Variants in GALNT17 observed in about 807,000 individuals in gnomAD.
GALNT17 encodes UDP-GalNAc:polypeptide N-acetylgalactosaminyltransferase-like 3.
A neutral mutation model predicts 63.7 loss-of-function variants in GALNT17; 29 were observed. The observed-to-expected ratio is 0.46, with a 90% confidence interval of 0.34 to 0.62. GALNT17 has a LOEUF of 0.62. Ranked by LOEUF, GALNT17 falls within the 20% of genes least tolerant of loss-of-function variation. GALNT17 has a pLI of 0.01. For synonymous variants in GALNT17, 305 were observed against 318.3 expected, an observed-to-expected ratio of 0.96 and a Z score of 0.45; for missense variants, 603 against 799.6, an observed-to-expected ratio of 0.75 and a Z score of 2.97.
intron 2 of GALNT17, among the ~76,000 whole-genome samples, chr7:71,379,928 G>A (rs1792813339): frequency 6.6e-6 from 1 of 152,098 alleles, no homozygotes. Flanking sequence ...AGGATTTGGG[G>A]AATTTAAAGG....
At chr7:71,324,214 C>G (rs945508229) in intron 1 of GALNT17, among the ~76,000 whole-genome samples, 1 of 152,102 alleles carries the variant, frequency 6.6e-6, no homozygotes, top group African/African-American at 2.4e-5. Context: ...AAGCAGTGTT[C>G]AGATTTGCAT....
chr7:71,706,986 G>T (rs599104), intron 9 of GALNT17, among the ~76,000 whole-genome samples: 4 of 152,200 alleles, frequency 2.6e-5, no homozygotes, highest in Non-Finnish European at 4.4e-5. Context: ...AGCCAACCAT[G>T]AGGTATTCGG....
chr7:71,469,731 G>A (rs1379818794), intron 5 of GALNT17, among the ~76,000 whole-genome samples: 4 of 152,172 alleles, frequency 2.6e-5, no homozygotes, highest in Non-Finnish European at 5.9e-5. Context: ...CCTTCAGGGT[G>A]AATTTAAAAT....
intron 6 of GALNT17, among the ~76,000 whole-genome samples, chr7:71,606,889 G>A (rs1435647464): frequency 6.6e-6 from 1 of 152,216 alleles, no homozygotes; most frequent in Non-Finnish European, 1.5e-5. Context: ...TATGAATGCA[G>A]TGTACAGTAA....
intron 5 of GALNT17, among the ~76,000 whole-genome samples, chr7:71,493,711 G>C (rs1379804214): frequency 1.3e-5 from 2 of 152,140 alleles, no homozygotes; most frequent in African/African-American, 2.4e-5. Flanking sequence ...TTCAAGATGA[G>C]ATTTGGGTAG....
At chr7:71,350,867 G>T (rs1030440958) in intron 2 of GALNT17, among the ~76,000 whole-genome samples, 1 of 152,194 alleles carries the variant, frequency 6.6e-6, no homozygotes, top group Non-Finnish European at 1.5e-5. Context: ...GCGGCTGGGC[G>T]CAGTGAGTCA....
At chr7:71,444,562 G>A (rs987269595) in intron 5 of GALNT17, among the ~76,000 whole-genome samples, 1 of 152,196 alleles carries the variant, frequency 6.6e-6, no homozygotes, top group African/African-American at 2.4e-5. Flanking sequence ...AGGGCCGGGT[G>A]CAGTGGCTCA....
At chr7:71,141,680 T>TTTC (rs1255647462) in intron 1 of GALNT17, among the ~76,000 whole-genome samples, 4 of 86,802 alleles carry the variant, frequency 4.6e-5, no homozygotes, top group Non-Finnish European at 2.5e-5. Context: ...TCTTTCTTTC[T>TTTC]TTTTTTTTTT....
chr7:71,163,833 T>C (rs1423635631), intron 1 of GALNT17, among the ~76,000 whole-genome samples: 1 of 152,204 alleles, frequency 6.6e-6, no homozygotes, highest in Non-Finnish European at 1.5e-5. Context: ...TTGCCATCTG[T>C]GGGTCCGGAA....
chr7:71,174,060 T>G (rs73700901), intron 1 of GALNT17, among the ~76,000 whole-genome samples: 27,616 of 152,092 alleles, frequency 0.18, 3,424 homozygotes, highest in African/African-American at 0.35. Flanking sequence ...ATTCTTCAGT[T>G]CCCTGGCACA....
At chr7:71,206,514 T>C (rs1232994917) in intron 1 of GALNT17, among the ~76,000 whole-genome samples, 1 of 152,174 alleles carries the variant, frequency 6.6e-6, no homozygotes, top group Non-Finnish European at 1.5e-5. Context: ...TACTACTTTT[T>C]AAGATAAAAA....
intron 5 of GALNT17, among the ~76,000 whole-genome samples, chr7:71,423,580 C>T (rs927388657): frequency 6.6e-6 from 1 of 152,088 alleles, no homozygotes; most frequent in Non-Finnish European, 1.5e-5. Flanking sequence ...TACAGATAAT[C>T]ATGAAGTTCT....
chr7:71,573,065 G>C (rs1419325015), intron 6 of GALNT17, among the ~76,000 whole-genome samples: 1 of 151,704 alleles, frequency 6.6e-6, no homozygotes, highest in Non-Finnish European at 1.5e-5. Flanking sequence ...GCTGGGTGCA[G>C]TGGTGTGATC....
At chr7:71,683,207 T>G (rs1791297063) in intron 9 of GALNT17, among the ~76,000 whole-genome samples, 1 of 152,074 alleles carries the variant, frequency 6.6e-6, no homozygotes, top group Admixed American at 6.6e-5. Context: ...TTTTAAAAAG[T>G]CAATCTCATG....
intron 1 of GALNT17, among the ~76,000 whole-genome samples, chr7:71,238,980 CTT>C (rs1215514075): frequency 2.0e-5 from 3 of 152,156 alleles, no homozygotes; most frequent in African/African-American, 7.2e-5. Context: ...ATGGCAAGGG[CTT>C]GAGGCCTGTC....
chr7:71,328,341 G>C (rs1295800996), intron 1 of GALNT17, among the ~76,000 whole-genome samples: 3 of 152,202 alleles, frequency 2.0e-5, no homozygotes, highest in Admixed American at 2.0e-4. Flanking sequence ...CTGGTGCCAA[G>C]AAGCCACCCC....
At chr7:71,675,126 G>C (rs1791129757) in intron 8 of GALNT17, among the ~76,000 whole-genome samples, 1 of 152,192 alleles carries the variant, frequency 6.6e-6, no homozygotes, top group African/African-American at 2.4e-5. Flanking sequence ...GGAGGTTGCA[G>C]TGAGCCGAGA....
intron 5 of GALNT17, among the ~76,000 whole-genome samples, chr7:71,445,997 G>A (rs1044264226): frequency 2.0e-5 from 3 of 152,240 alleles, no homozygotes; most frequent in African/African-American, 7.2e-5. Context: ...TCGTTTCTGA[G>A]AAACGGGAAT....
At chr7:71,628,917 G>A (rs765311383) in intron 6 of GALNT17, among the ~76,000 whole-genome samples, 38 of 152,144 alleles carry the variant, frequency 2.5e-4, no homozygotes, top group Middle Eastern at 6.8e-3. Flanking sequence ...GGATGACAGC[G>A]AGACTCTGTC....
Sources: gnomAD v4.1 joint callset for allele counts (sites outside exome capture counted in the v4.1 genomes callset) on GRCh38, gnomAD v4.1.1 for gene constraint, MANE v1.5 for transcripts, NCBI Gene and HGNC (gene_info 2026-07-23, HGNC 2026-07-21) for gene names.